Variants in ADK observed in about 807,000 individuals in gnomAD.
ADK encodes the protein N6,N6-dimethyladenosine kinase.
ADK carries 24 observed loss-of-function variants against 44.7 expected under a neutral mutation model. The observed-to-expected ratio is 0.54, with a 90% CI of 0.39 to 0.76. ADK has a LOEUF of 0.76. ADK is among the 30% of genes least tolerant of loss of function. ADK has a pLI of 0.00. For synonymous variants in ADK, 128 were observed against 142.6 expected (o/e 0.90, Z 0.73); for missense variants, 321 against 425.1 (o/e 0.76, Z 2.15).
intron 9 of ADK, among the ~76,000 whole-genome samples, chr10:74,665,569 CAA>C (rs1023626424): frequency 2.6e-5 from 4 of 151,500 alleles, no homozygotes; most frequent in Non-Finnish European, 5.9e-5. Flanking sequence ...CCTGTCTCTA[CAA>C]AAAAAATTTA....
intron 9 of ADK, among the ~76,000 whole-genome samples, chr10:74,614,861 G>A (rs988276225): frequency 6.6e-6 from 1 of 151,956 alleles, no homozygotes; most frequent in Non-Finnish European, 1.5e-5. Flanking sequence ...TTGCTTCTAG[G>A]CCCTCTTAGC....
chr10:74,554,669 G>A (rs1259182597), intron 7 of ADK, among the ~76,000 whole-genome samples: 1 of 151,592 alleles, frequency 6.6e-6, no homozygotes, highest in African/African-American at 2.4e-5. Context: ...TTGTGGCCAG[G>A]CACAATGGCT....
At chr10:74,391,652 T>TACACACACACACACACACACACAC (rs71475280) in intron 4 of ADK, among the ~76,000 whole-genome samples, 2 of 74,248 alleles carry the variant, frequency 2.7e-5, no homozygotes, top group African/African-American at 6.9e-5. Flanking sequence ...GGCAAGAATA[T>TACACACACACACACACACACACAC]ACACACACAC....
chr10:74,523,621 A>G (rs532902957), intron 6 of ADK, among the ~76,000 whole-genome samples: 3 of 152,264 alleles, frequency 2.0e-5, no homozygotes, highest in South Asian at 2.1e-4. Context: ...ACTTTCTGGT[A>G]GATACTTAGA....
chr10:74,613,077 G>A (rs1229019817), intron 9 of ADK, among the ~76,000 whole-genome samples: 1 of 151,956 alleles, frequency 6.6e-6, no homozygotes, highest in Non-Finnish European at 1.5e-5. Context: ...TTCTGGCTTC[G>A]TTTTTTGCTT....
At chr10:74,433,143 A>G (rs1383638265) in intron 6 of ADK, among the ~76,000 whole-genome samples, 2 of 152,182 alleles carry the variant, frequency 1.3e-5, no homozygotes, top group South Asian at 4.1e-4. Flanking sequence ...GATCATCCAT[A>G]AGTGTTTATA....
At chr10:74,235,291 A>G (rs1844917577) in intron 3 of ADK, among the ~76,000 whole-genome samples, 1 of 152,104 alleles carries the variant, frequency 6.6e-6, no homozygotes, top group African/African-American at 2.4e-5. Context: ...TTAGTGGAGA[A>G]TTGCAGGAAA....
intron 8 of ADK, among the ~76,000 whole-genome samples, chr10:74,596,266 A>G (rs1230923189): frequency 2.0e-5 from 3 of 152,156 alleles, no homozygotes; most frequent in Admixed American, 6.5e-5. Flanking sequence ...CACTACTTGT[A>G]TTTATGACCT....
In ADK at chr10:74,296,360, A is replaced by T. The variant is rs138984626; in HGVS notation, c.195-18307A>T. Among the ~76,000 whole-genome samples, 647 of 152,244 alleles carry T rather than the reference A, an allele frequency of 4.2e-3. 5 individuals carry two copies. The highest frequency in any genetic ancestry group is 0.014 in the African/African-American group (588 of 41,564). On this transcript the variant is annotated intron_variant, in intron 3 of 10. Coordinates refer to ENST00000539909, the MANE Select transcript of ADK (RefSeq NM_006721.4). ...GTATTAAAAATGAGCAATGTTTGTG[A>T]AGAGTTGATGTGTAGAAAAGTTAAT...
chr10:74,151,383 G>C (rs1449232208), intron 1 of ADK, 40 bp downstream of exon 1: 2 of 1,547,442 alleles, frequency 1.3e-6, no homozygotes, highest in African/African-American at 2.7e-5. Context: ...TGACGGCGCT[G>C]CAAGCAAGCC....
At chr10:74,541,548 G>C (rs1031234445) in intron 7 of ADK, among the ~76,000 whole-genome samples, 3 of 152,048 alleles carry the variant, frequency 2.0e-5, no homozygotes, top group Non-Finnish European at 2.9e-5. Context: ...ATGCCCTTCA[G>C]TGTGGAGTTT....
At chr10:74,691,706 A>G (rs1029152796) in intron 10 of ADK, among the ~76,000 whole-genome samples, 1 of 52,192 alleles carries the variant, frequency 1.9e-5, no homozygotes, top group Non-Finnish European at 3.5e-5. Flanking sequence ...TAAGTTGACA[A>G]AGCACGCAAC....
At chr10:74,202,944 G>A (rs909024420) in intron 2 of ADK, among the ~76,000 whole-genome samples, 7 of 152,196 alleles carry the variant, frequency 4.6e-5, no homozygotes, top group Admixed American at 2.6e-4. Context: ...ATGCACAAAA[G>A]TTTTAAATTT....
intron 1 of ADK, among the ~76,000 whole-genome samples, chr10:74,165,399 T>C (rs1842009586): frequency 6.6e-6 from 1 of 152,022 alleles, no homozygotes; most frequent in Non-Finnish European, 1.5e-5. Context: ...GATTTGATCC[T>C]GAGTCTTATA....
intron 7 of ADK, among the ~76,000 whole-genome samples, chr10:74,580,786 C>T (rs1023945467): frequency 6.6e-6 from 1 of 152,118 alleles, no homozygotes; most frequent in African/African-American, 2.4e-5. Flanking sequence ...TGGACTAATA[C>T]AATATTCTAC....
At chr10:74,254,061 C>G (rs1845740934) in intron 3 of ADK, among the ~76,000 whole-genome samples, 1 of 152,070 alleles carries the variant, frequency 6.6e-6, no homozygotes, top group Admixed American at 6.5e-5. Context: ...GACACCGTGC[C>G]TGGCCTACAC....
chr10:74,656,885 G>A (rs1370076717), intron 9 of ADK, among the ~76,000 whole-genome samples: 1 of 152,078 alleles, frequency 6.6e-6, no homozygotes, highest in Non-Finnish European at 1.5e-5. Context: ...TTAGAGACAG[G>A]GTCTCATTCT....
rs1856707779 is a variant in ADK at position 74,709,289 on chromosome 10, G to A, written c.*844G>A. On this transcript the variant is annotated 3_prime_UTR_variant, in exon 11 of 11. Transcript: ENST00000539909. Reference sequence around the variant, plus strand: ...ACCAATAAATCACTTTTTTAAGGATGACAAAATGGTATAATTGGACTTCTG... The same window carrying A: ...ACCAATAAATCACTTTTTTAAGGATAACAAAATGGTATAATTGGACTTCTG... The A allele has an allele frequency of 6.6e-6, 1 of 152,150 alleles. No individual in the cohort carries two copies. The highest frequency in any genetic ancestry group is 2.4e-5 in the African/African-American group (1 of 41,432). The allele number at this position is 152,150 out of a possible 1,614,324, so 9.4% of individuals were successfully genotyped here.
At chr10:74,693,631 C>T (rs184334853) in intron 10 of ADK, among the ~76,000 whole-genome samples, 7 of 152,208 alleles carry the variant, frequency 4.6e-5, no homozygotes, top group Non-Finnish European at 8.8e-5. Context: ...TCAAAAGATG[C>T]GTACTGATTT....
Sources: allele counts gnomAD v4.1 joint callset (sites outside exome capture counted in the v4.1 genomes callset), GRCh38; gene constraint gnomAD v4.1.1; transcripts MANE v1.5; gene names NCBI Gene and HGNC (gene_info 2026-07-23, HGNC 2026-07-21).